Variants in CSMD1 observed in about 807,000 individuals in gnomAD.
CSMD1 encodes CUB and Sushi multiple domains 1.
CSMD1 carries 213 observed loss-of-function variants against 417.5 expected under a neutral mutation model. The observed-to-expected ratio is 0.51, with a 90% CI of 0.46 to 0.57. The LOEUF (loss-of-function observed/expected upper bound fraction) is 0.57. CSMD1 is among the 20% of genes least tolerant of loss of function. CSMD1 has a pLI of 0.00. For missense variants in CSMD1, 6,923 were observed against 4,529.7 expected (o/e 1.53, Z -15.17); for synonymous variants, 2,862 against 1,736.8 (o/e 1.65, Z -16.11).
chr8:4,237,763 T>C (rs1179147904), intron 3 of CSMD1, among the ~76,000 whole-genome samples: 1 of 152,150 alleles, frequency 6.6e-6, no homozygotes, highest in Non-Finnish European at 1.5e-5. Context: ...TCCTTCTTCC[T>C]CAGCACCTCA....
chr8:4,855,109 G>C (rs944527832), intron 1 of CSMD1, among the ~76,000 whole-genome samples: 1 of 151,896 alleles, frequency 6.6e-6, no homozygotes, highest in African/African-American at 2.4e-5. Context: ...CCTGACCCCT[G>C]ACCCCCGAGC....
intron 8 of CSMD1, among the ~76,000 whole-genome samples, chr8:3,615,537 C>T (rs776535180): frequency 3.1e-4 from 47 of 152,296 alleles, no homozygotes; most frequent in Non-Finnish European, 5.6e-4. Flanking sequence ...GACACTATTT[C>T]TTCACATCTA....
chr8:3,537,370 C>CT (rs1242805111), intron 10 of CSMD1, among the ~76,000 whole-genome samples: 2 of 152,150 alleles, frequency 1.3e-5, no homozygotes, highest in African/African-American at 2.4e-5. Context: ...GTTTAGTGTA[C>CT]TTTTTTTATA....
chr8:3,162,343 C>T, intron 37 of CSMD1, 66 bp from the exon 38 acceptor site: 5 of 1,055,392 alleles, frequency 4.7e-6, no homozygotes, highest in Admixed American at 2.0e-5. Context: ...ATTTGAATAA[C>T]CAAAGTTTAT....
At chr8:3,960,670 A>G (rs1482639455) in intron 5 of CSMD1, among the ~76,000 whole-genome samples, 1 of 152,058 alleles carries the variant, frequency 6.6e-6, no homozygotes, top group African/African-American at 2.4e-5. Context: ...AGAAGTTATG[A>G]TAAAACTTTT....
In CSMD1 at chr8:3,452,451, G is replaced by C. The variant is rs192088695; in HGVS notation, c.1561+16261C>G. Among the ~76,000 whole-genome samples the C allele has an allele frequency of 8.2e-3, 1,245 of 152,238 alleles. 25 individuals carry two copies. The highest frequency in any genetic ancestry group is 0.028 in the African/African-American group (1,171 of 41,526). ...CCCTTCAGTATGATATTGGCTGTGG[G>C]TTTGTCATAGATAGGTTTTATTATT... On this transcript the variant is annotated intron_variant, in intron 12 of 69. Coordinates refer to ENST00000635120, the MANE Select transcript of CSMD1 (RefSeq NM_033225.6).
chr8:4,650,826 G>C (rs1402917156), intron 1 of CSMD1, among the ~76,000 whole-genome samples: 1 of 152,248 alleles, frequency 6.6e-6, no homozygotes, highest in Admixed American at 6.5e-5. Context: ...TGCTTCCAAG[G>C]TTGTAGAGTA....
intron 1 of CSMD1, among the ~76,000 whole-genome samples, chr8:4,679,997 A>G (rs1805936216): frequency 6.6e-6 from 1 of 152,150 alleles, no homozygotes; most frequent in Admixed American, 6.6e-5. Context: ...ACAGCTTGTA[A>G]TTTGTTTTAG....
intron 28 of CSMD1, among the ~76,000 whole-genome samples, chr8:3,222,248 T>C (rs945812418): frequency 6.6e-6 from 1 of 152,124 alleles, no homozygotes; most frequent in East Asian, 1.9e-4. Flanking sequence ...GCCTTAAATA[T>C]GCATATCATC....
intron 1 of CSMD1, among the ~76,000 whole-genome samples, chr8:4,797,758 T>C (rs561721060): frequency 6.6e-5 from 10 of 152,360 alleles, no homozygotes; most frequent in African/African-American, 2.4e-4. Flanking sequence ...GATAAGTAAC[T>C]TTTATAAATG....
chr8:4,115,291 T>G (rs904006938), intron 3 of CSMD1, among the ~76,000 whole-genome samples: 19 of 152,362 alleles, frequency 1.2e-4, no homozygotes, highest in African/African-American at 4.6e-4. Flanking sequence ...ATTTTTAGCA[T>G]TTTTGGCAAC....
intron 10 of CSMD1, among the ~76,000 whole-genome samples, chr8:3,537,225 G>A (rs911461353): frequency 2.6e-5 from 4 of 152,070 alleles, no homozygotes; most frequent in Non-Finnish European, 4.4e-5. Context: ...AGTCAGTCTC[G>A]ATCTCCTGAC....
intron 1 of CSMD1, among the ~76,000 whole-genome samples, chr8:4,828,878 T>C (rs1799976238): frequency 6.6e-6 from 1 of 152,144 alleles, no homozygotes; most frequent in Non-Finnish European, 1.5e-5. Flanking sequence ...AATCATGATA[T>C]GCGTTCCACA....
intron 26 of CSMD1, among the ~76,000 whole-genome samples, chr8:3,270,974 A>C (rs1007567635): frequency 2.0e-5 from 3 of 151,822 alleles, no homozygotes; most frequent in African/African-American, 7.3e-5. Context: ...CATGTGCACA[A>C]CGTACAGGTT....
intron 5 of CSMD1, among the ~76,000 whole-genome samples, chr8:3,875,951 T>G (rs139059422): frequency 6.5e-4 from 99 of 152,082 alleles, no homozygotes; most frequent in African/African-American, 2.2e-3. Context: ...GGAGGCAAAT[T>G]TATGGAGTAA....
intron 2 of CSMD1, among the ~76,000 whole-genome samples, chr8:4,517,747 A>T (rs1037195860): frequency 6.6e-6 from 1 of 152,220 alleles, no homozygotes; most frequent in African/African-American, 2.4e-5. Context: ...GTTCATCTCA[A>T]TGCTTCAAGT....
chr8:4,370,613 G>T (rs941449384), intron 3 of CSMD1, among the ~76,000 whole-genome samples: 1 of 152,030 alleles, frequency 6.6e-6, no homozygotes, highest in South Asian at 2.1e-4. Flanking sequence ...TCATATTTTT[G>T]GAAGTTTTGT....
At chr8:2,964,263 T>C (rs982756761) in intron 59 of CSMD1, among the ~76,000 whole-genome samples, 5 of 152,192 alleles carry the variant, frequency 3.3e-5, no homozygotes, top group Admixed American at 6.5e-5. Flanking sequence ...CACACACAAA[T>C]CACATGTGCA....
At chr8:3,396,026 C>G (rs1359788664) in intron 17 of CSMD1, among the ~76,000 whole-genome samples, 168 bp downstream of exon 17, 5 of 152,140 alleles carry the variant, frequency 3.3e-5, no homozygotes, top group Admixed American at 2.6e-4. Flanking sequence ...CCAAGATGCT[C>G]TCTTATGAAT....
Sources: gnomAD v4.1 joint callset for allele counts (sites outside exome capture counted in the v4.1 genomes callset) on GRCh38, gnomAD v4.1.1 for gene constraint, MANE v1.5 for transcripts, NCBI Gene and HGNC (gene_info 2026-07-23, HGNC 2026-07-21) for gene names.